The following PPP2R2B variants were observed in gnomAD, a reference collection of about 807,000 sequenced individuals.
The protein encoded by PPP2R2B is protein phosphatase 2 regulatory subunit Bbeta.
A neutral mutation model predicts 46.0 loss-of-function variants in PPP2R2B; 5 were observed. That is an observed-to-expected ratio of 0.11 (90% CI 0.06 to 0.23). The LOEUF (loss-of-function observed/expected upper bound fraction) is 0.23. PPP2R2B is among the 10% of genes least tolerant of loss of function. The pLI, the probability that PPP2R2B is intolerant of heterozygous loss-of-function variation, is 1.00. For missense variants in PPP2R2B, 367 were observed against 575.0 expected, an observed-to-expected ratio of 0.64 and a Z score of 3.70; for synonymous variants, 215 against 206.7, an observed-to-expected ratio of 1.04 and a Z score of -0.34.
In PPP2R2B at chr5:146,591,355, A is replaced by T. The variant is rs1458140109; in HGVS notation, c.1053-1129T>A. On this transcript the variant is annotated intron_variant, in intron 9 of 9. Coordinates refer to ENST00000394411, the MANE Select transcript of PPP2R2B (RefSeq NM_181675.4). ...AATTAAGCAAAGGTTAGATTTTGTT[A>T]CTCTGGCTCATCAAACTGATACTGT... Among the ~76,000 whole-genome samples the T allele has an allele frequency of 2.0e-5, 3 of 152,054 alleles. No homozygotes were observed. The East Asian group carries it at 5.8e-4, about 29-fold the overall frequency.
intron 2 of PPP2R2B, among the ~76,000 whole-genome samples, chr5:147,080,306 T>C (rs1453942167): frequency 1.6e-4 from 25 of 152,168 alleles, no homozygotes; most frequent in Non-Finnish European, 2.1e-4. Flanking sequence ...ATCTGGAATC[T>C]AAACCTACCA....
rs1340162569 is a variant in PPP2R2B at position 146,589,673 on chromosome 5, A to C, written c.*274T>G. 5.0e-6 allele frequency: 2 copies of C among 401,728 alleles called. No homozygotes were observed. The highest frequency in any genetic ancestry group is 8.9e-6 in the Non-Finnish European group (2 of 223,644). 24.9% of individuals were successfully genotyped at this position (401,728 alleles called of 1,614,324 possible). The stretch of plus-strand genomic sequence containing the variant: ...CTGGACCCACCAGAGAAAACTGGGC[A>C]ATAAAAGCATCAGAAGTTCAAGTCA... On this transcript the variant is annotated 3_prime_UTR_variant, in exon 10 of 10. Transcript: ENST00000394411.
At chr5:146,923,035 A>G (rs1343696289) in intron 1 of PPP2R2B, among the ~76,000 whole-genome samples, 1 of 152,216 alleles carries the variant, frequency 6.6e-6, no homozygotes, top group East Asian at 1.9e-4. Context: ...AAAGTATTTC[A>G]TTTGATGACA....
At position 146,853,191 on chromosome 5, in the gene PPP2R2B, C is replaced by A. The variant is rs534934632; in HGVS notation, c.70+24811G>T. ...CTTTTGACTACTAATGTGTTGAGGCCATAGAATTAGAGGCATTGCTAACAA... is the reference window on the plus strand; with the variant it reads ...CTTTTGACTACTAATGTGTTGAGGCAATAGAATTAGAGGCATTGCTAACAA... On this transcript the variant is annotated intron_variant, in intron 2 of 9. Transcript: ENST00000394411. Among the ~76,000 whole-genome samples, 3 of 152,222 alleles carry A rather than the reference C, an allele frequency of 2.0e-5. No homozygotes were observed. The South Asian group carries it at 6.2e-4, about 32-fold the overall frequency.
chr5:146,596,583 C>G (rs987000675), intron 8 of PPP2R2B, among the ~76,000 whole-genome samples: 2 of 152,192 alleles, frequency 1.3e-5, no homozygotes, highest in African/African-American at 4.8e-5. Context: ...GGCTCCCCAG[C>G]AGCCACACAT....
At chr5:146,870,680 C>T (rs777350920) in intron 2 of PPP2R2B, among the ~76,000 whole-genome samples, 7 of 152,212 alleles carry the variant, frequency 4.6e-5, no homozygotes, top group Non-Finnish European at 7.3e-5. Flanking sequence ...CTCTTCGCCA[C>T]GCTCCGTCCA....
intron 1 of PPP2R2B, among the ~76,000 whole-genome samples, chr5:147,014,630 G>C (rs1182291972): frequency 2.0e-5 from 3 of 150,738 alleles, no homozygotes; most frequent in South Asian, 2.1e-4. Context: ...GTAAACTATC[G>C]CAAGAACAAA....
At chr5:147,073,245 A>G (rs1462489661) in intron 2 of PPP2R2B, among the ~76,000 whole-genome samples, 2 of 152,212 alleles carry the variant, frequency 1.3e-5, no homozygotes, top group Non-Finnish European at 2.9e-5. Flanking sequence ...ATATTTAATT[A>G]CCTAATGCTT....
chr5:146,696,398 C>T (rs936519762), intron 4 of PPP2R2B, among the ~76,000 whole-genome samples: 1 of 152,192 alleles, frequency 6.6e-6, no homozygotes, highest in African/African-American at 2.4e-5. Flanking sequence ...GCCACCGCGC[C>T]TGGCCAAGTC....
intron 1 of PPP2R2B, among the ~76,000 whole-genome samples, chr5:146,974,311 C>A (rs1262152358): frequency 3.3e-5 from 5 of 152,060 alleles, no homozygotes; most frequent in South Asian, 2.1e-4. Context: ...ATTTATATAG[C>A]CTTTAAAACC....
intron 2 of PPP2R2B, among the ~76,000 whole-genome samples, chr5:146,814,305 A>T (rs1312482116): frequency 6.6e-6 from 1 of 151,198 alleles, no homozygotes; most frequent in Non-Finnish European, 1.5e-5. Context: ...CTTCCCTTGT[A>T]GCTCTTCTAC....
At chr5:146,599,105 A>G (rs542283674) in intron 8 of PPP2R2B, among the ~76,000 whole-genome samples, 2 of 152,298 alleles carry the variant, frequency 1.3e-5, no homozygotes, top group South Asian at 2.1e-4. Flanking sequence ...TGCTTTCATT[A>G]TACTCTTGCT....
intron 2 of PPP2R2B, among the ~76,000 whole-genome samples, chr5:146,711,538 G>A (rs1780212621): frequency 6.6e-6 from 1 of 152,136 alleles, no homozygotes; most frequent in South Asian, 2.1e-4. Context: ...AGGGATTCAG[G>A]GTCCTATGAA....
At chr5:146,604,758 G>A (rs895925509) in intron 7 of PPP2R2B, among the ~76,000 whole-genome samples, 5 of 152,206 alleles carry the variant, frequency 3.3e-5, no homozygotes, top group African/African-American at 1.2e-4. Context: ...AGGAGGAAAG[G>A]TTCAGTAAGT....
rs1244389079 is a variant in PPP2R2B, at chr5:146,698,093, G to C, written c.220C>G (p.Gln74Glu). ...RGEYNVYSTF[Q>E]SHEPEFDYLK... is the part of the protein sequence containing the mutation. The stretch of plus-strand genomic sequence containing the variant: ...TAATCGAACTCGGGTTCATGGCTCT[G>C]GAATGTGCTGTAAACATTGTATTCA... The change falls in exon 4 of 10, where the codon CAG (glutamine) becomes GAG (glutamate). Residue 74 changes from glutamine (Q) to glutamate (E), a missense_variant. Physicochemically the swap from Gln to Glu is conservative, Grantham distance 29. This residue lies in a region of PPP2R2B where 361 missense variants were observed against 545.5 expected (regional missense o/e 0.66). Coordinates refer to ENST00000394411, the MANE Select transcript of PPP2R2B (RefSeq NM_181675.4). The C allele has an allele frequency of 1.9e-6, 3 of 1,612,030 alleles. No individual in the cohort carries two copies. The highest frequency in any genetic ancestry group is 1.7e-6 in the Non-Finnish European group (2 of 1,179,258).
intron 2 of PPP2R2B, among the ~76,000 whole-genome samples, chr5:146,816,854 G>A (rs570694430): frequency 3.3e-5 from 5 of 152,252 alleles, no homozygotes; most frequent in Admixed American, 2.6e-4. Flanking sequence ...AGTCAGTTTG[G>A]GTGGGGCCTG....
In PPP2R2B at chr5:146,761,630, TA is replaced by T. The variant is rs983952873; in HGVS notation, c.71-60489del. On this transcript the variant is annotated intron_variant, in intron 2 of 9. Coordinates refer to ENST00000394411, the MANE Select transcript of PPP2R2B (RefSeq NM_181675.4). The stretch of plus-strand genomic sequence containing the variant: ...CTTAAAGTATAGTAATAATAAAATT[TA>T]AAAAAAAAAAAGAAAATATTTGAGG... Among the ~76,000 whole-genome samples, 425 of 143,970 alleles carry T rather than the reference TA, an allele frequency of 3.0e-3. 1 individual carries two copies. The highest frequency in any genetic ancestry group is 7.9e-3 in the African/African-American group (310 of 39,342). The allele number at this position is 143,970 out of a possible 152,430, so 94.4% of individuals were successfully genotyped here.
intron 2 of PPP2R2B, among the ~76,000 whole-genome samples, chr5:146,856,962 A>T (rs1760710621): frequency 1.3e-5 from 2 of 152,194 alleles, no homozygotes. Context: ...TGTATTTAAC[A>T]AATACTTCAG....
At chr5:146,951,974 CTTT>C (rs34746460) in intron 1 of PPP2R2B, among the ~76,000 whole-genome samples, 4 of 127,516 alleles carry the variant, frequency 3.1e-5, no homozygotes, top group Non-Finnish European at 3.4e-5. Flanking sequence ...TACATAGAAT[CTTT>C]TTTTTTTTTT....
Sources: gnomAD v4.1 joint callset for allele counts (sites outside exome capture counted in the v4.1 genomes callset) on GRCh38, gnomAD v4.1.1 for gene constraint, gnomAD v4.1.1 regional missense constraint, MANE v1.5 for transcripts, NCBI Gene and HGNC (gene_info 2026-07-23, HGNC 2026-07-21) for gene names.